The following GRM7 variants were observed in gnomAD, a reference collection of about 807,000 sequenced individuals.
GRM7 encodes the protein metabotropic glutamate receptor 7.
In GRM7, 35 loss-of-function variants were observed where a neutral mutation model predicts 84.5. The observed-to-expected ratio is 0.41, with a 90% CI of 0.32 to 0.55. The LOEUF is 0.55. Among genes scored for constraint, GRM7 ranks in the 20% least tolerant of loss-of-function variants. GRM7 has a pLI of 0.19. For missense variants in GRM7, 1,003 were observed against 1,194.6 expected, an observed-to-expected ratio of 0.84 and a Z score of 2.36; for synonymous variants, 487 against 455.1, an observed-to-expected ratio of 1.07 and a Z score of -0.89.
intron 5 of GRM7, among the ~76,000 whole-genome samples, chr3:7,444,958 T>C (rs1697443908): frequency 6.6e-6 from 1 of 152,198 alleles, no homozygotes; most frequent in African/African-American, 2.4e-5. Context: ...AATGGTTCAA[T>C]TGCAATCAAA....
At chr3:6,871,605 T>A (rs1052779371) in intron 1 of GRM7, among the ~76,000 whole-genome samples, 4 of 151,944 alleles carry the variant, frequency 2.6e-5, no homozygotes, top group African/African-American at 9.7e-5. Flanking sequence ...ACAGATTTTG[T>A]GGCTTAACCA....
chr3:7,730,264 C>T (rs991978080), intron 9 of GRM7, among the ~76,000 whole-genome samples: 8 of 152,134 alleles, frequency 5.3e-5, no homozygotes, highest in Non-Finnish European at 1.0e-4. Flanking sequence ...CCTTGGCCTC[C>T]CAAAGTGCTG....
intron 2 of GRM7, among the ~76,000 whole-genome samples, chr3:7,269,506 G>C (rs1410692190): frequency 6.6e-6 from 1 of 152,088 alleles, no homozygotes; most frequent in African/African-American, 2.4e-5. Flanking sequence ...TAATTTTTCA[G>C]AGCTCCCCTG....
intron 1 of GRM7, among the ~76,000 whole-genome samples, chr3:6,943,655 AT>A (rs1246509589): frequency 5.9e-5 from 9 of 152,012 alleles, no homozygotes; most frequent in African/African-American, 1.9e-4. Flanking sequence ...CTTTAAGGTT[AT>A]GTTGCCTATT....
intron 8 of GRM7, among the ~76,000 whole-genome samples, chr3:7,671,939 A>G (rs1298144253): frequency 1.3e-5 from 2 of 152,066 alleles, no homozygotes; most frequent in Non-Finnish European, 2.9e-5. Flanking sequence ...TCTTGATTTT[A>G]TCATTTGCCT....
At chr3:7,061,790 C>A (rs1196855375) in intron 1 of GRM7, among the ~76,000 whole-genome samples, 1 of 151,650 alleles carries the variant, frequency 6.6e-6, no homozygotes, top group Admixed American at 6.6e-5. Flanking sequence ...AAAATTGGTT[C>A]TATCATTGAG....
At chr3:7,362,391 G>A (rs1300523944) in intron 4 of GRM7, among the ~76,000 whole-genome samples, 1 of 151,842 alleles carries the variant, frequency 6.6e-6, no homozygotes, top group Non-Finnish European at 1.5e-5. Flanking sequence ...GAGAGAAAAT[G>A]ACTATTCTTG....
intron 5 of GRM7, among the ~76,000 whole-genome samples, chr3:7,439,092 G>A (rs1697179800): frequency 6.6e-6 from 1 of 152,064 alleles, no homozygotes; most frequent in Non-Finnish European, 1.5e-5. Context: ...GTGTGAGAAG[G>A]AAAATATGGA....
intron 5 of GRM7, among the ~76,000 whole-genome samples, chr3:7,427,851 G>A (rs758795051): frequency 5.3e-5 from 8 of 152,198 alleles, no homozygotes; most frequent in African/African-American, 9.6e-5. Flanking sequence ...CAGGGTCAGC[G>A]AGGTTAATGA....
At chr3:7,613,676 T>C (rs1386333470) in intron 8 of GRM7, among the ~76,000 whole-genome samples, 3 of 152,152 alleles carry the variant, frequency 2.0e-5, no homozygotes, top group Non-Finnish European at 4.4e-5. Flanking sequence ...TTAGATAATC[T>C]GGGCCTTAAT....
intron 9 of GRM7, among the ~76,000 whole-genome samples, chr3:7,726,667 G>GTATATATATATATA (rs1575674187): frequency 2.0e-5 from 1 of 50,444 alleles, no homozygotes; most frequent in African/African-American, 8.0e-5. Context: ...ATATATATAG[G>GTATATATATATATA]TTTTCCCCAT....
chr3:6,962,362 T>C (rs1693335190), intron 1 of GRM7, among the ~76,000 whole-genome samples: 1 of 152,166 alleles, frequency 6.6e-6, no homozygotes, highest in Admixed American at 6.5e-5. Context: ...CTATGAATTA[T>C]ATCTACTGAC....
intron 2 of GRM7, among the ~76,000 whole-genome samples, chr3:7,271,520 T>C (rs1231124527): frequency 2.1e-5 from 3 of 140,426 alleles, no homozygotes; most frequent in African/African-American, 8.1e-5. Context: ...AATCGCGTCA[T>C]TGCACTCCAG....
At chr3:7,154,726 C>T (rs541618130) in intron 2 of GRM7, among the ~76,000 whole-genome samples, 37 of 152,136 alleles carry the variant, frequency 2.4e-4, no homozygotes, top group African/African-American at 8.4e-4. Flanking sequence ...GGGGGAAGAG[C>T]ACTATTGTTC....
At chr3:7,398,209 A>G (rs1417647229) in intron 4 of GRM7, among the ~76,000 whole-genome samples, 4 of 152,202 alleles carry the variant, frequency 2.6e-5, no homozygotes, top group Admixed American at 1.3e-4. Flanking sequence ...AATATGGCTC[A>G]GAATTGCTTC....
rs543935866 is a variant in GRM7 at position 7,483,775 on chromosome 3, G to A, written c.1515+22053G>A. 1.0e-3 allele frequency among the ~76,000 whole-genome samples: 156 copies of A among 151,874 alleles called. 2 individuals carry two copies. In the South Asian group the frequency reaches 0.031, roughly 30 times the overall value. On this transcript the variant is annotated intron_variant, in intron 7 of 9. Transcript: ENST00000357716. ...GATAGATATAGATAGATATGATTAT[G>A]TATCTGTATCTATGTATATATGTTA...
intron 7 of GRM7, among the ~76,000 whole-genome samples, chr3:7,564,647 A>G (rs992025867): frequency 6.6e-6 from 1 of 151,956 alleles, no homozygotes; most frequent in African/African-American, 2.4e-5. Context: ...TGGAGCCATA[A>G]TATATATATA....
chr3:7,404,039 C>G (rs1695571618), intron 4 of GRM7, among the ~76,000 whole-genome samples: 1 of 152,090 alleles, frequency 6.6e-6, no homozygotes, highest in Non-Finnish European at 1.5e-5. Context: ...TCAGGCCCAA[C>G]AGTAGAATCT....
chr3:7,158,123 C>T (rs577724122), intron 2 of GRM7, among the ~76,000 whole-genome samples: 3 of 152,230 alleles, frequency 2.0e-5, no homozygotes, highest in Non-Finnish European at 2.9e-5. Flanking sequence ...ACTTATTTAA[C>T]ACACATCTTC....
Sources: allele counts gnomAD v4.1 joint callset (sites outside exome capture counted in the v4.1 genomes callset), GRCh38; gene constraint gnomAD v4.1.1; transcripts MANE v1.5; gene names NCBI Gene and HGNC (gene_info 2026-07-23, HGNC 2026-07-21).